The following EDEM2 variants were observed in gnomAD, a reference collection of about 807,000 sequenced individuals.
EDEM2 encodes ER degradation enhancing alpha-mannosidase like protein 2.
In EDEM2, 39 loss-of-function variants were observed where a neutral mutation model predicts 64.8. The observed-to-expected ratio is 0.60, with a 90% CI of 0.47 to 0.79. The LOEUF is 0.79. Ranked by LOEUF, EDEM2 falls within the 30% of genes least tolerant of loss-of-function variation. EDEM2 has a pLI of 0.00. For synonymous variants in EDEM2, 296 were observed against 291.5 expected (o/e 1.02, Z -0.16); for missense variants, 609 against 731.3 (o/e 0.83, Z 1.93).
At chr20:35,128,539 C>T (rs2085466657) in intron 7 of EDEM2, among the ~76,000 whole-genome samples, 1 of 145,142 alleles carries the variant, frequency 6.9e-6, no homozygotes, top group Non-Finnish European at 1.5e-5. Flanking sequence ...GCACTCCAGC[C>T]TGGGCAACAT....
intron 10 of EDEM2, among the ~76,000 whole-genome samples, chr20:35,117,443 T>C (rs759454811): frequency 2.6e-5 from 4 of 152,188 alleles, no homozygotes; most frequent in Admixed American, 6.5e-5. Context: ...TCATTCACCA[T>C]GGAAGACCTC....
At chr20:35,120,397 A>G (rs778787654) in intron 9 of EDEM2, among the ~76,000 whole-genome samples, 11 of 151,838 alleles carry the variant, frequency 7.2e-5, no homozygotes, top group Non-Finnish European at 1.3e-4. Context: ...GTCTCTGCCT[A>G]TCTCCCCAGT....
At chr20:35,121,212 G>A (rs2085364468) in intron 9 of EDEM2, among the ~76,000 whole-genome samples, 1 of 152,106 alleles carries the variant, frequency 6.6e-6, no homozygotes, top group Non-Finnish European at 1.5e-5. Flanking sequence ...CCATAATGTA[G>A]AGTCAGTGGG....
intron 7 of EDEM2, among the ~76,000 whole-genome samples, chr20:35,127,914 T>C (rs2085456169): frequency 6.6e-6 from 1 of 152,248 alleles, no homozygotes; most frequent in African/African-American, 2.4e-5. Context: ...TGTAATTTTA[T>C]AATGCAATGC....
intron 2 of EDEM2, 60 bp from the exon 3 acceptor site, chr20:35,145,078 C>T: frequency 1.3e-6 from 2 of 1,573,140 alleles, no homozygotes; most frequent in South Asian, 1.1e-5. Context: ...GATATTATGG[C>T]TGCCCTAGAT....
At chr20:35,143,634 A>T (rs57690120) in intron 3 of EDEM2, among the ~76,000 whole-genome samples, 20,761 of 151,790 alleles carry the variant, frequency 0.14, 1,744 homozygotes, top group African/African-American at 0.24. Context: ...TCGAGGAATC[A>T]CTCTTCCCCG....
chr20:35,138,573 T>C (rs2085609090), intron 4 of EDEM2, among the ~76,000 whole-genome samples: 1 of 151,972 alleles, frequency 6.6e-6, no homozygotes, highest in Non-Finnish European at 1.5e-5. Flanking sequence ...TTATGCAATA[T>C]GTAGAACTTT....
rs751342867 is a variant in EDEM2, at chr20:35,134,838, T to C, written c.602A>G (p.Glu201Gly). 2.5e-6 allele frequency: 4 copies of C among 1,613,956 alleles called. No individual in the cohort carries two copies. The Admixed American group carries it at 6.7e-5, about 27-fold the overall frequency. Residue 201 changes from glutamate (E) to glycine (G), a missense_variant, in exon 6 of 11, where the codon GAA becomes GGA. By Grantham distance (98) the Glu-to-Gly change is moderately conservative. Coordinates refer to ENST00000374492, the MANE Select transcript of EDEM2 (RefSeq NM_018217.3). ...AGTGAGGCTGCTCAGGGTGGCAAATTCAACAATGAAGGTCCCAATCCCTGC... is the reference window on the plus strand; with the variant it reads ...AGTGAGGCTGCTCAGGGTGGCAAATCCAACAATGAAGGTCCCAATCCCTGC... ...CTAGIGTFIV[E>G]FATLSSLTGD... is the part of the protein sequence containing the mutation.
In EDEM2 at chr20:35,137,882, G is replaced by C; in HGVS notation, c.488C>G (p.Pro163Arg). ...MAEEAARKLL[P>R]AFQTPTGMPY... ...CCCCATCTCTGTGTGGGTCTTACCT[G>C]GGAGGAGTTTTCGGGCCGCCTCCTC... The change falls in exon 5 of 11, where the codon CCA becomes CGA. Residue 163 changes from proline to arginine, a missense_variant and splice_region_variant. Physicochemically the swap from Pro to Arg is moderately radical, Grantham distance 103. Coordinates refer to ENST00000374492, the MANE Select transcript of EDEM2 (RefSeq NM_018217.3). 6.2e-7 allele frequency: 1 copy of C among 1,614,040 alleles called. No homozygotes were observed. The highest frequency in any genetic ancestry group is 1.1e-5 in the South Asian group (1 of 91,068).
intron 3 of EDEM2, 108 bp downstream of exon 3, chr20:35,144,871 A>G (rs1247399919): frequency 7.8e-7 from 1 of 1,285,062 alleles, no homozygotes; most frequent in African/African-American, 1.5e-5. Context: ...GATGCAAATA[A>G]AAGGCCTAGG....
intron 8 of EDEM2, among the ~76,000 whole-genome samples, 193 bp downstream of exon 8, chr20:35,126,058 C>T (rs2085428405): frequency 6.6e-6 from 1 of 152,216 alleles, no homozygotes; most frequent in South Asian, 2.1e-4. Flanking sequence ...ACTGGAAGCT[C>T]AGTTCCTGAC....
chr20:35,127,847 C>G (rs2085455272), intron 7 of EDEM2, among the ~76,000 whole-genome samples: 1 of 152,028 alleles, frequency 6.6e-6, no homozygotes, highest in Admixed American at 6.6e-5. Context: ...AGATGGTGGT[C>G]CTATAAAATT....
chr20:35,142,261 G>A (rs2085664876), intron 4 of EDEM2, 112 bp downstream of exon 4: 3 of 794,526 alleles, frequency 3.8e-6, no homozygotes, highest in Non-Finnish European at 6.1e-6. Flanking sequence ...CAGAGGTTTT[G>A]GCCAAGGGTC....
chr20:35,131,731 C>A lies in EDEM2; in HGVS notation c.755G>T (p.Gly252Val). The change falls in exon 7 of 11, where the codon GGC becomes GTC. Residue 252 changes from glycine to valine, a missense_variant. Physicochemically the swap from Gly to Val is moderately radical, Grantham distance 109. Transcript: ENST00000374492. ...LTGKWVAQDA[G>V]IGAGVDSYFE... ...GTAGGAGTCCACGCCAGCCCCGATG[C>A]CTGCGTCCTGGGCCACCCACTTGCC... is the stretch of plus-strand genomic sequence containing the variant. 6.2e-7 allele frequency: 1 copy of A among 1,614,180 alleles called. No homozygotes were observed. The highest frequency in any genetic ancestry group is 8.5e-7 in the Non-Finnish European group (1 of 1,180,022).
chr20:35,142,313 G>A, intron 4 of EDEM2, 60 bp downstream of exon 4: 2 of 1,392,228 alleles, frequency 1.4e-6, no homozygotes, highest in Non-Finnish European at 2.0e-6. Context: ...CCACTTCTTG[G>A]TTTACAGAGG....
At chr20:35,147,007 G>C in intron 1 of EDEM2, 72 bp from the exon 2 acceptor site, 1 of 1,565,298 alleles carries the variant, frequency 6.4e-7, no homozygotes, top group South Asian at 1.2e-5. Flanking sequence ...AAGATACAGG[G>C]CGGAAAGTGG....
At chr20:35,128,966 G>A (rs1265463853) in intron 7 of EDEM2, among the ~76,000 whole-genome samples, 2 of 139,304 alleles carry the variant, frequency 1.4e-5, no homozygotes, top group Non-Finnish European at 3.1e-5. Flanking sequence ...GTAAGCTAAC[G>A]TTAATTTATT....
intron 3 of EDEM2, 88 bp downstream of exon 3, chr20:35,144,891 C>G: frequency 6.8e-7 from 1 of 1,466,834 alleles, no homozygotes. Context: ...GAGAGGAATT[C>G]ATTTTTCACC....
At chr20:35,134,267 G>C (rs904777628) in intron 6 of EDEM2, 4 of 393,056 alleles carry the variant, frequency 1.0e-5, no homozygotes, top group African/African-American at 8.4e-5. Context: ...TGTGCATTCT[G>C]ACTCTCCAAA....
Sources: gnomAD v4.1 joint callset for allele counts (sites outside exome capture counted in the v4.1 genomes callset) on GRCh38, gnomAD v4.1.1 for gene constraint, MANE v1.5 for transcripts, NCBI Gene and HGNC (gene_info 2026-07-23, HGNC 2026-07-21) for gene names.